The following DNM3 variants were observed in gnomAD, a reference collection of about 807,000 sequenced individuals.
DNM3 encodes the protein dynamin-3.
Under a neutral mutation model 101.6 loss-of-function variants are expected in DNM3, and 47 were observed. The ratio of observed to expected loss-of-function variants is 0.46; its 90% CI spans 0.37 to 0.59. The LOEUF is 0.59. Among genes scored for constraint, DNM3 ranks in the 20% least tolerant of loss-of-function variants. DNM3 has a pLI of 0.00. For missense variants in DNM3, 849 were observed against 1,085.7 expected (o/e 0.78, Z 3.06); for synonymous variants, 385 against 387.9 (o/e 0.99, Z 0.09).
intron 1 of DNM3, among the ~76,000 whole-genome samples, chr1:171,862,421 A>G (rs2034272777): frequency 6.6e-6 from 1 of 152,206 alleles, no homozygotes; most frequent in Non-Finnish European, 1.5e-5. Context: ...AAAGGAATTA[A>G]GTACTGATAC....
At chr1:172,012,827 T>A (rs2047215815) in intron 4 of DNM3, among the ~76,000 whole-genome samples, 1 of 152,050 alleles carries the variant, frequency 6.6e-6, no homozygotes, top group African/African-American at 2.4e-5. Flanking sequence ...TGATGATTTT[T>A]AAAATAAAAA....
At chr1:171,904,830 G>T (rs1346354011) in intron 1 of DNM3, among the ~76,000 whole-genome samples, 2 of 152,086 alleles carry the variant, frequency 1.3e-5, no homozygotes, top group Non-Finnish European at 2.9e-5. Flanking sequence ...CTGAGGGAGG[G>T]TGGCATGGAG....
At chr1:172,170,848 A>C (rs987033273) in intron 14 of DNM3, among the ~76,000 whole-genome samples, 2 of 151,798 alleles carry the variant, frequency 1.3e-5, no homozygotes, top group African/African-American at 4.8e-5. Context: ...CATGGAGAAG[A>C]AAAATTGCAT....
intron 15 of DNM3, among the ~76,000 whole-genome samples, chr1:172,260,168 A>G (rs941764802): frequency 1.3e-5 from 2 of 151,976 alleles, no homozygotes; most frequent in Non-Finnish European, 2.9e-5. Flanking sequence ...CTGTCTTGTT[A>G]GGGTTCTGCT....
chr1:172,376,794 C>G (rs1016619464), intron 17 of DNM3, among the ~76,000 whole-genome samples: 6 of 152,028 alleles, frequency 3.9e-5, no homozygotes, highest in Non-Finnish European at 7.4e-5. Context: ...TGATTATTTA[C>G]TAAAGCCTCT....
chr1:172,293,758 A>G (rs374946748), intron 15 of DNM3, among the ~76,000 whole-genome samples: 83 of 152,304 alleles, frequency 5.4e-4, no homozygotes, highest in African/African-American at 1.9e-3. Flanking sequence ...ACCCTCTTCT[A>G]ATGTTTCAAC....
At chr1:172,378,864 C>T (rs1403883436) in intron 17 of DNM3, among the ~76,000 whole-genome samples, 154 bp from the exon 18 acceptor site, 2 of 152,046 alleles carry the variant, frequency 1.3e-5, no homozygotes, top group Admixed American at 6.6e-5. Flanking sequence ...CATCTCCTTT[C>T]AGAACCAGTG....
intron 13 of DNM3, among the ~76,000 whole-genome samples, chr1:172,100,056 T>G (rs1329490656): frequency 1.3e-5 from 2 of 152,206 alleles, no homozygotes; most frequent in Non-Finnish European, 2.9e-5. Flanking sequence ...GAAAGACTTT[T>G]TCTTTAAGCA....
intron 20 of DNM3, among the ~76,000 whole-genome samples, chr1:172,392,968 G>C (rs561130582): frequency 6.6e-6 from 1 of 152,342 alleles, no homozygotes; most frequent in South Asian, 2.1e-4. Flanking sequence ...GCCCCTTAGT[G>C]AAGCTGATGT....
chr1:172,258,730 T>C (rs1225240706), intron 15 of DNM3, among the ~76,000 whole-genome samples: 1 of 152,056 alleles, frequency 6.6e-6, no homozygotes, highest in Non-Finnish European at 1.5e-5. Flanking sequence ...TATTGTCTTT[T>C]TCATCTCCAT....
At chr1:171,955,303 C>T (rs1197787254) in intron 2 of DNM3, among the ~76,000 whole-genome samples, 1 of 152,188 alleles carries the variant, frequency 6.6e-6, no homozygotes, top group Non-Finnish European at 1.5e-5. Context: ...AAAGATAATA[C>T]ATTTCATCAT....
intron 14 of DNM3, among the ~76,000 whole-genome samples, chr1:172,158,195 A>G (rs942785172): frequency 2.6e-5 from 4 of 151,980 alleles, no homozygotes; most frequent in Admixed American, 6.6e-5. Flanking sequence ...AGTATGTGCA[A>G]AGACCCTGAG....
At chr1:172,389,146 T>C (rs763218209) in intron 20 of DNM3, 5 of 306,398 alleles carry the variant, frequency 1.6e-5, no homozygotes, top group Non-Finnish European at 3.1e-5. Context: ...GTGTGTTCTA[T>C]AGGTCATGAG....
intron 17 of DNM3, among the ~76,000 whole-genome samples, chr1:172,344,461 G>A (rs1465795154): frequency 1.3e-5 from 2 of 152,148 alleles, no homozygotes; most frequent in Non-Finnish European, 2.9e-5. Flanking sequence ...TAAAACAAGC[G>A]TTAAAGTTGG....
intron 1 of DNM3, among the ~76,000 whole-genome samples, chr1:171,871,349 T>C (rs1486602519): frequency 6.6e-6 from 1 of 152,218 alleles, no homozygotes; most frequent in Non-Finnish European, 1.5e-5. Context: ...AAGTATAGTC[T>C]TCTCTCAATT....
intron 2 of DNM3, among the ~76,000 whole-genome samples, chr1:171,935,914 C>T (rs2041380552): frequency 6.6e-6 from 1 of 150,436 alleles, no homozygotes; most frequent in Admixed American, 6.7e-5. Flanking sequence ...AGCAAATGTG[C>T]CTGAGGGTAA....
intron 10 of DNM3, among the ~76,000 whole-genome samples, chr1:172,066,672 T>A (rs955000175): frequency 1.3e-5 from 2 of 152,250 alleles, no homozygotes; most frequent in African/African-American, 4.8e-5. Context: ...TGCTTGTGCA[T>A]AACCACATTA....
chr1:172,258,509 A>G (rs1033138066), intron 15 of DNM3, among the ~76,000 whole-genome samples: 1 of 152,114 alleles, frequency 6.6e-6, no homozygotes, highest in Admixed American at 6.6e-5. Flanking sequence ...TGTATTGTCC[A>G]GGAATGTATC....
At chr1:172,093,875 A>G in intron 13 of DNM3, 1 of 668,314 alleles carries the variant, frequency 1.5e-6, no homozygotes, top group South Asian at 2.3e-5. Context: ...TATCATTGAA[A>G]TAAAAATCCT....
Sources: allele counts gnomAD v4.1 joint callset (sites outside exome capture counted in the v4.1 genomes callset), GRCh38; gene constraint gnomAD v4.1.1; transcripts MANE v1.5; gene names NCBI Gene and HGNC (gene_info 2026-07-23, HGNC 2026-07-21).